The following ADAMTSL1 variants were observed in gnomAD, a reference collection of about 807,000 sequenced individuals.
The protein encoded by ADAMTSL1 is ADAMTS-like protein 1.
A neutral mutation model predicts 201.8 loss-of-function variants in ADAMTSL1; 126 were observed. The observed-to-expected ratio is 0.62, with a 90% CI of 0.54 to 0.72. The LOEUF is 0.72. Among genes scored for constraint, ADAMTSL1 ranks in the 30% least tolerant of loss-of-function variants. ADAMTSL1 has a pLI of 0.00. For synonymous variants in ADAMTSL1, 1,121 were observed against 903.4 expected (o/e 1.24, Z -4.32); for missense variants, 2,679 against 2,277.8 (o/e 1.18, Z -3.59).
intron 2 of ADAMTSL1, among the ~76,000 whole-genome samples, chr9:18,315,441 G>C (rs1834347356): frequency 6.6e-6 from 1 of 152,062 alleles, no homozygotes; most frequent in African/African-American, 2.4e-5. Flanking sequence ...GGAGTGAGGA[G>C]GGGGGTGGTT....
chr9:18,435,600 T>C (rs1339982242), intron 2 of ADAMTSL1, among the ~76,000 whole-genome samples: 1 of 152,068 alleles, frequency 6.6e-6, no homozygotes, highest in Non-Finnish European at 1.5e-5. Context: ...TAGGAGGAAA[T>C]GGAAGTGAAC....
chr9:18,163,042 C>G (rs1210534076), intron 1 of ADAMTSL1, among the ~76,000 whole-genome samples: 1 of 151,950 alleles, frequency 6.6e-6, no homozygotes, highest in Admixed American at 6.6e-5. Flanking sequence ...CAGGAGGAGG[C>G]CTGGGTGAAC....
intron 16 of ADAMTSL1, among the ~76,000 whole-genome samples, chr9:18,762,572 G>A (rs1276725369): frequency 6.6e-6 from 1 of 151,780 alleles, no homozygotes; most frequent in Non-Finnish European, 1.5e-5. Context: ...ACCCTATTGT[G>A]CTATCAAATA....
At chr9:17,965,118 A>G (rs1009242875) in intron 1 of ADAMTSL1, among the ~76,000 whole-genome samples, 2 of 152,188 alleles carry the variant, frequency 1.3e-5, no homozygotes, top group African/African-American at 4.8e-5. Flanking sequence ...TGGAAATTAA[A>G]TAGAATGAAG....
In ADAMTSL1 at chr9:18,839,959, C is replaced by T. The variant is rs36193503; in HGVS notation, c.4249+9982C>T. On this transcript the variant is annotated intron_variant, in intron 23 of 28. Coordinates refer to ENST00000380548, the MANE Select transcript of ADAMTSL1 (RefSeq NM_001040272.6). ...AGCCCTTTGTCAGATGAGTAGGTTG[C>T]GAAAATTTTCTCCCATTTTGTAGGT... is the stretch of plus-strand genomic sequence containing the variant. 3.6e-3 allele frequency among the ~76,000 whole-genome samples: 539 copies of T among 149,594 alleles called. 5 individuals are homozygous for T. The highest frequency in any genetic ancestry group is 0.012 in the African/African-American group (468 of 40,290).
chr9:18,282,548 G>C (rs914340024), intron 2 of ADAMTSL1, among the ~76,000 whole-genome samples: 1 of 152,114 alleles, frequency 6.6e-6, no homozygotes, highest in African/African-American at 2.4e-5. Context: ...ATTTATTCAG[G>C]CTTGCTTTAT....
At chr9:18,204,801 G>C (rs926962881) in intron 2 of ADAMTSL1, among the ~76,000 whole-genome samples, 2 of 152,040 alleles carry the variant, frequency 1.3e-5, no homozygotes, top group African/African-American at 4.8e-5. Context: ...GTTGCCCTGG[G>C]CAATAACTGT....
At chr9:18,026,385 A>G (rs948886994) in intron 1 of ADAMTSL1, among the ~76,000 whole-genome samples, 2 of 152,006 alleles carry the variant, frequency 1.3e-5, no homozygotes, top group Non-Finnish European at 2.9e-5. Context: ...TTTTCCTTCA[A>G]TGGCTACTTT....
At chr9:18,114,323 A>C (rs1825158961) in intron 1 of ADAMTSL1, among the ~76,000 whole-genome samples, 1 of 152,204 alleles carries the variant, frequency 6.6e-6, no homozygotes. Context: ...CAAACAGCTT[A>C]ATCAAACTTG....
chr9:18,136,557 G>T (rs1204484289), intron 1 of ADAMTSL1, among the ~76,000 whole-genome samples: 1 of 152,028 alleles, frequency 6.6e-6, no homozygotes, highest in African/African-American at 2.4e-5. Flanking sequence ...CACCGCTATG[G>T]CACAGGAGAG....
chr9:18,538,684 T>G lies in ADAMTSL1; in HGVS notation c.237+5392T>G, dbSNP rs1367078794. Among the ~76,000 whole-genome samples the G allele has an allele frequency of 3.9e-5, 6 of 152,272 alleles. No homozygotes were observed. The East Asian group carries it at 1.2e-3, about 29-fold the overall frequency. On this transcript the variant is annotated intron_variant, in intron 3 of 28. Coordinates refer to ENST00000380548, the MANE Select transcript of ADAMTSL1 (RefSeq NM_001040272.6). ...ACAATTGACCATCCATCTTGACTGG[T>G]GATTCTCGTTGAGGTTGTGAAAATT...
At chr9:18,111,110 G>A (rs1824986892) in intron 1 of ADAMTSL1, among the ~76,000 whole-genome samples, 1 of 152,076 alleles carries the variant, frequency 6.6e-6, no homozygotes, top group African/African-American at 2.4e-5. Flanking sequence ...AAAAATAACA[G>A]CAACAAAAAT....
intron 1 of ADAMTSL1, among the ~76,000 whole-genome samples, chr9:18,011,802 A>G (rs1381066689): frequency 6.6e-6 from 1 of 152,038 alleles, no homozygotes; most frequent in Non-Finnish European, 1.5e-5. Flanking sequence ...TACAGAAGTC[A>G]GGCTGTTACC....
chr9:18,021,023 C>T (rs540606539), intron 1 of ADAMTSL1, among the ~76,000 whole-genome samples: 27 of 152,164 alleles, frequency 1.8e-4, no homozygotes, highest in African/African-American at 6.0e-4. Flanking sequence ...GTGGTACTGT[C>T]GACATCACCT....
intron 2 of ADAMTSL1, among the ~76,000 whole-genome samples, chr9:18,312,643 C>G (rs180855059): frequency 2.3e-4 from 35 of 152,236 alleles, no homozygotes; most frequent in Admixed American, 1.6e-3. Context: ...CTGTACAAAG[C>G]CTAGAAATGT....
At chr9:18,450,520 A>G (rs976554534) in intron 2 of ADAMTSL1, among the ~76,000 whole-genome samples, 3 of 152,054 alleles carry the variant, frequency 2.0e-5, no homozygotes, top group South Asian at 2.1e-4. Flanking sequence ...ATGTAGCTGC[A>G]TGAAAACCAT....
chr9:18,221,674 C>A (rs1484168288), intron 2 of ADAMTSL1, among the ~76,000 whole-genome samples: 2 of 151,822 alleles, frequency 1.3e-5, no homozygotes, highest in Non-Finnish European at 2.9e-5. Context: ...ATAATTTCTT[C>A]TTATTTAGAA....
chr9:18,397,051 T>C (rs527350785), intron 2 of ADAMTSL1, among the ~76,000 whole-genome samples: 1 of 145,886 alleles, frequency 6.9e-6, no homozygotes, highest in South Asian at 2.1e-4. Flanking sequence ...CTATTCACAG[T>C]GATCCTGGGA....
intron 2 of ADAMTSL1, among the ~76,000 whole-genome samples, chr9:18,421,929 T>C (rs1818971403): frequency 6.6e-6 from 1 of 152,232 alleles, no homozygotes; most frequent in African/African-American, 2.4e-5. Context: ...TGCAGGATGT[T>C]TCTTTCATCA....
Sources: gnomAD v4.1 joint callset for allele counts (sites outside exome capture counted in the v4.1 genomes callset) on GRCh38, gnomAD v4.1.1 for gene constraint, MANE v1.5 for transcripts, NCBI Gene and HGNC (gene_info 2026-07-23, HGNC 2026-07-21) for gene names.